The following CYFIP1 variants were observed in gnomAD, a reference collection of about 807,000 sequenced individuals.
CYFIP1 encodes the protein cytoplasmic FMR1-interacting protein 1.
A neutral mutation model predicts 163.5 loss-of-function variants in CYFIP1; 58 were observed. The observed-to-expected ratio is 0.35, with a 90% CI of 0.29 to 0.44. The LOEUF is 0.44. Ranked by LOEUF, CYFIP1 falls within the 20% of genes least tolerant of loss-of-function variation. The pLI is 1.00. For synonymous variants in CYFIP1, 663 were observed against 660.7 expected (o/e 1.00, Z -0.05); for missense variants, 1,338 against 1,653.8 (o/e 0.81, Z 3.31).
chr15:22,959,097 C>A lies in CYFIP1; in HGVS notation c.-6-11806G>T, dbSNP rs140307351. Among the ~76,000 whole-genome samples, 428 of 152,306 alleles carry A rather than the reference C, an allele frequency of 2.8e-3. 2 individuals carry two copies. The highest frequency in any genetic ancestry group is 9.8e-3 in the African/African-American group (407 of 41,574). ...GCCCAGGGCTGGGCTACCAGGCACA[C>A]AGATGAGCTCGGGGAAGCTCCATCA... On this transcript the variant is annotated intron_variant, in intron 1 of 30. Transcript: ENST00000617928.
At chr15:22,970,034 G>A (rs372014710) in intron 1 of CYFIP1, among the ~76,000 whole-genome samples, 38 of 152,216 alleles carry the variant, frequency 2.5e-4, no homozygotes, top group African/African-American at 7.7e-4. Flanking sequence ...GCTAATAAAC[G>A]AATTCAGGGA....
intron 6 of CYFIP1, among the ~76,000 whole-genome samples, chr15:22,942,007 T>A (rs2061906227): frequency 6.6e-6 from 1 of 152,216 alleles, no homozygotes; most frequent in Admixed American, 6.5e-5. Flanking sequence ...CAGATGCTGT[T>A]ATCAAACAGG....
chr15:22,944,464 T>C (rs2061991615), intron 5 of CYFIP1, 94 bp downstream of exon 5: 1 of 808,602 alleles, frequency 1.2e-6, no homozygotes, highest in East Asian at 2.4e-5. Context: ...GCAGGCACTC[T>C]GTTCAGGGTG....
rs1373030563 is a variant in CYFIP1 at position 22,868,250 on chromosome 15, G to GAT, written c.*1776_*1777dup. The stretch of plus-strand genomic sequence containing the variant: ...CCTCCCATGCCATTTTAATACTACA[G>GAT]ATGTACTACGTATCTGTTTATATAC... On this transcript the variant is annotated 3_prime_UTR_variant, in exon 31 of 31. Transcript: ENST00000617928. 1.3e-5 allele frequency: 2 copies of GAT among 152,118 alleles called. No homozygotes were observed. Among genetic ancestry groups the GAT allele is most frequent in the South Asian group, 2.1e-4 (1 of 4,830 alleles). 9.4% of individuals were successfully genotyped at this position (152,118 alleles called of 1,614,324 possible). A position where few individuals can be genotyped will look rare whatever the true frequency, so the allele number is the denominator to read the frequency against.
intron 21 of CYFIP1, among the ~76,000 whole-genome samples, chr15:22,906,690 C>G (rs1326006635): frequency 6.6e-6 from 1 of 151,994 alleles, no homozygotes; most frequent in Admixed American, 6.6e-5. Context: ...TGGTCTCGAT[C>G]TCCTGACCTC....
chr15:22,922,135 A>G (rs1269647688), intron 13 of CYFIP1, among the ~76,000 whole-genome samples: 1 of 152,162 alleles, frequency 6.6e-6, no homozygotes, highest in African/African-American at 2.4e-5. Context: ...CCCAGGAACC[A>G]GCTCTGAACC....
chr15:22,931,095 C>A (rs1230765886), intron 11 of CYFIP1, among the ~76,000 whole-genome samples: 1 of 152,106 alleles, frequency 6.6e-6, no homozygotes, highest in Non-Finnish European at 1.5e-5. Context: ...TGACTGGTAA[C>A]CATGGGGGGT....
intron 23 of CYFIP1, among the ~76,000 whole-genome samples, chr15:22,887,960 G>A (rs973873729): frequency 6.6e-6 from 1 of 152,138 alleles, no homozygotes; most frequent in Non-Finnish European, 1.5e-5. Context: ...TGCAACTTGG[G>A]TGCTCTAACT....
At chr15:22,930,691 A>T (rs7163885) in intron 11 of CYFIP1, among the ~76,000 whole-genome samples, 27,214 of 152,088 alleles carry the variant, frequency 0.18, 2,705 homozygotes, top group African/African-American at 0.23. Flanking sequence ...TAATTTACAG[A>T]ATAAGGAGAT....
intron 1 of CYFIP1, among the ~76,000 whole-genome samples, chr15:22,950,654 T>G (rs1393432750): frequency 6.6e-6 from 1 of 152,180 alleles, no homozygotes; most frequent in Admixed American, 6.5e-5. Context: ...CTGTTCTGAG[T>G]AGGATGATAA....
At chr15:22,883,782 A>T (rs959224038) in intron 23 of CYFIP1, among the ~76,000 whole-genome samples, 1 of 138,874 alleles carries the variant, frequency 7.2e-6, no homozygotes, top group Non-Finnish European at 1.5e-5. Context: ...GCGCCACTGC[A>T]CTCCAGCCCG....
chr15:22,878,029 C>T (rs1399151416), intron 26 of CYFIP1, among the ~76,000 whole-genome samples: 1 of 152,242 alleles, frequency 6.6e-6, no homozygotes, highest in Non-Finnish European at 1.5e-5. Flanking sequence ...CACCCTCTCC[C>T]TGTTCTTCCC....
At chr15:22,943,383 G>T in intron 5 of CYFIP1, 29 bp from the exon 6 acceptor site, 1 of 1,607,794 alleles carries the variant, frequency 6.2e-7, no homozygotes, top group Non-Finnish European at 8.5e-7. Flanking sequence ...AGGGCAGAAA[G>T]CTGCAGGTCA....
Position 22,880,786 on chromosome 15 carries a change from G to A in CYFIP1, c.2912-743C>T, listed in dbSNP as rs551622883. On this transcript the variant is annotated intron_variant, in intron 25 of 30. Coordinates refer to ENST00000617928, the MANE Select transcript of CYFIP1 (RefSeq NM_014608.6). Reference sequence around the variant, plus strand: ...CCCCAAGGACCAGCGGCCCGACACGGCCCCTCTGCTCCTCCCAGCTCTCAG... The same window carrying A: ...CCCCAAGGACCAGCGGCCCGACACGACCCCTCTGCTCCTCCCAGCTCTCAG... Among the ~76,000 whole-genome samples, 65 of 152,218 alleles carry A rather than the reference G, an allele frequency of 4.3e-4. 1 individual carries two copies. In the South Asian group the frequency reaches 8.3e-3, roughly 19 times the overall value.
At chr15:22,901,146 T>C (rs1766045328) in intron 22 of CYFIP1, among the ~76,000 whole-genome samples, 1 of 151,062 alleles carries the variant, frequency 6.6e-6, no homozygotes, top group African/African-American at 2.4e-5. Context: ...GAGGCTGCAA[T>C]GAGCCAAGAT....
At chr15:22,943,417 T>G (rs1214421986) in intron 5 of CYFIP1, 63 bp from the exon 6 acceptor site, 3 of 1,533,662 alleles carry the variant, frequency 2.0e-6, no homozygotes, top group Non-Finnish European at 1.8e-6. Context: ...CCCATGTCCC[T>G]CCTTCAAGCA....
chr15:22,951,504 C>T (rs746305357), intron 1 of CYFIP1: 31 of 1,288,414 alleles, frequency 2.4e-5, no homozygotes, highest in Admixed American at 1.1e-4. Flanking sequence ...TGCCTGAGGA[C>T]GTGCTTCGGC....
At chr15:22,926,575 T>C (rs545563615) in intron 12 of CYFIP1, among the ~76,000 whole-genome samples, 9 of 152,326 alleles carry the variant, frequency 5.9e-5, no homozygotes, top group South Asian at 2.1e-4. Context: ...CTCTTCCAAT[T>C]TGATAATTTT....
At chr15:22,949,044 C>G (rs1000214019) in intron 1 of CYFIP1, among the ~76,000 whole-genome samples, 2 of 152,156 alleles carry the variant, frequency 1.3e-5, no homozygotes, top group Non-Finnish European at 2.9e-5. Flanking sequence ...TGGAGAAAGT[C>G]TTTTGTCTAC....
Sources: allele counts gnomAD v4.1 joint callset (sites outside exome capture counted in the v4.1 genomes callset), GRCh38; gene constraint gnomAD v4.1.1; transcripts MANE v1.5; gene names NCBI Gene and HGNC (gene_info 2026-07-23, HGNC 2026-07-21).